COL9A3: variants seen among roughly 807,000 people sequenced by gnomAD.
COL9A3 encodes the protein collagen type IX alpha 3 chain, also known as collagen alpha-3(IX) chain.
COL9A3 carries 82 observed loss-of-function variants against 110.2 expected under a neutral mutation model. The observed-to-expected ratio is 0.74, with a 90% CI of 0.62 to 0.89. COL9A3 has a LOEUF of 0.89. COL9A3 is among the 40% of genes least tolerant of loss of function. The pLI, the probability that COL9A3 is intolerant of heterozygous loss-of-function variation, is 0.00. For missense variants in COL9A3, 1,066 were observed against 981.3 expected, an observed-to-expected ratio of 1.09 and a Z score of -1.15; for synonymous variants, 494 against 403.8, an observed-to-expected ratio of 1.22 and a Z score of -2.68.
intron 26 of COL9A3, 39 bp from the exon 27 acceptor site, chr20:62,835,882 A>G: frequency 1.2e-6 from 2 of 1,613,524 alleles, no homozygotes. Flanking sequence ...CCCACCCAAC[A>G]ATACACTTAG....
Position 62,822,100 on chromosome 20 carries a change from C to T in COL9A3, c.424-11C>T, listed in dbSNP as rs201781331. ...TGGTCCCACTCTGTCTAAGTCATACCCCCTCCCCAGGGACCTTCTGGACTC... is the reference window on the plus strand; with the variant it reads ...TGGTCCCACTCTGTCTAAGTCATACTCCCTCCCCAGGGACCTTCTGGACTC... On this transcript the variant is annotated splice_polypyrimidine_tract_variant and intron_variant, in intron 8 of 31. Coordinates refer to ENST00000649368, the MANE Select transcript of COL9A3 (RefSeq NM_001853.4). The T allele has an allele frequency of 2.8e-5, 42 of 1,521,550 alleles. No individual in the cohort carries two copies. Among genetic ancestry groups the T allele is most frequent in the Non-Finnish European group, 3.6e-5 (40 of 1,096,328 alleles). 94.3% of individuals were successfully genotyped at this position (1,521,550 alleles called of 1,614,324 possible).
At position 62,830,315 on chromosome 20, in the gene COL9A3, C is replaced by A. The variant is rs550903300; in HGVS notation, c.1162-45C>A. ...GCTCCCTGGGGCCTCTTGGGGACTC[C>A]TCGAACCCTGAGACATCCGCTCACA... On this transcript the variant is annotated intron_variant, in intron 22 of 31. Transcript: ENST00000649368. 3.2e-6 allele frequency: 5 copies of A among 1,552,218 alleles called. No homozygotes were observed. In the South Asian group the frequency reaches 5.9e-5, roughly 18 times the overall value.
intron 10 of COL9A3, among the ~76,000 whole-genome samples, chr20:62,823,239 G>T (rs981245964): frequency 1.3e-5 from 2 of 152,182 alleles, no homozygotes; most frequent in Non-Finnish European, 2.9e-5. Context: ...GGATGGCTGT[G>T]GTGGGAGGAT....
chr20:62,828,989 C>A lies in COL9A3; in HGVS notation c.1008+13C>A. On this transcript the variant is annotated intron_variant, in intron 19 of 31. Coordinates refer to ENST00000649368, the MANE Select transcript of COL9A3 (RefSeq NM_001853.4). The stretch of plus-strand genomic sequence containing the variant: ...CAACGGGCTGCCGGTGAGTGCCCGG[C>A]GGGTGGGGCCAGCCTGGGGCGCCAC... 1 of 1,591,996 alleles carries A rather than the reference C, an allele frequency of 6.3e-7. No homozygotes were observed. The highest frequency in any genetic ancestry group is 8.5e-7 in the Non-Finnish European group (1 of 1,172,340).
chr20:62,826,664 A>G, intron 14 of COL9A3, 103 bp from the exon 15 acceptor site: 1 of 1,250,512 alleles, frequency 8.0e-7, no homozygotes, highest in South Asian at 1.2e-5. Context: ...GGGGAGCCCT[A>G]GAGGAAGGGC....
At chr20:62,820,922 G>A (rs2063507834) in intron 5 of COL9A3, among the ~76,000 whole-genome samples, 4 of 152,250 alleles carry the variant, frequency 2.6e-5, no homozygotes, top group African/African-American at 7.2e-5. Context: ...GGGTCACTTC[G>A]GTGCCTCTCA....
chr20:62,832,278 C>G lies in COL9A3; in HGVS notation c.1323+89C>G. On this transcript the variant is annotated intron_variant, in intron 25 of 31. Transcript: ENST00000649368. ...CCTCCTGTCCCGGCTCTGGCCCTGG[C>G]TGTGTTTTCGGGACACTGAGCCTCC... 2.1e-6 allele frequency: 3 copies of G among 1,401,504 alleles called. 1 individual carries two copies. The South Asian group carries it at 3.5e-5, about 16-fold the overall frequency. 86.8% of individuals were successfully genotyped at this position (1,401,504 alleles called of 1,614,324 possible). A position where few individuals can be genotyped will look rare whatever the true frequency, so the allele number is the denominator to read the frequency against.
intron 4 of COL9A3, 77 bp from the exon 5 acceptor site, chr20:62,819,852 C>T (rs1025941743): frequency 7.4e-5 from 114 of 1,531,822 alleles, no homozygotes; most frequent in Non-Finnish European, 9.0e-5. Flanking sequence ...GGGAAGGGTC[C>T]GTGCTTCCAT....
In COL9A3 at chr20:62,817,640, G is replaced by A. The variant is rs1283519950; in HGVS notation, c.147+5G>A. 1 of 1,532,676 alleles carries A rather than the reference G, an allele frequency of 6.5e-7. No homozygotes were observed. Among genetic ancestry groups the A allele is most frequent in the Admixed American group, 2.1e-5 (1 of 48,706 alleles). 94.9% of individuals were successfully genotyped at this position (1,532,676 alleles called of 1,614,324 possible). ...CCCGGCCAGGACGGCATTGACGTGAGTTTGGGGGTGGGGAGGGCCCCGAGC... is the reference window on the plus strand; with the variant it reads ...CCCGGCCAGGACGGCATTGACGTGAATTTGGGGGTGGGGAGGGCCCCGAGC... On this transcript the variant is annotated splice_donor_5th_base_variant and intron_variant, in intron 2 of 31. Coordinates refer to ENST00000649368, the MANE Select transcript of COL9A3 (RefSeq NM_001853.4).
intron 26 of COL9A3, 71 bp downstream of exon 26, chr20:62,833,135 C>A: frequency 7.8e-7 from 1 of 1,288,916 alleles, no homozygotes; most frequent in Non-Finnish European, 1.1e-6. Context: ...GGGGAACAGT[C>A]CTGGGGACAG....
chr20:62,817,064 C>T lies in COL9A3; in HGVS notation c.-1C>T. 1 of 1,372,988 alleles carries T rather than the reference C, an allele frequency of 7.3e-7. No individual in the cohort carries two copies. Among genetic ancestry groups the T allele is most frequent in the South Asian group, 1.5e-5 (1 of 67,514 alleles). The allele number at this position is 1,372,988 out of a possible 1,614,324, so 85.1% of individuals were successfully genotyped here. ...CGCCGCAGCTCAGACTCCGCTCAGCCATGGCCGGGCCGCGCGCGTGCGCCC... is the reference window on the plus strand; with the variant it reads ...CGCCGCAGCTCAGACTCCGCTCAGCTATGGCCGGGCCGCGCGCGTGCGCCC... On this transcript the variant is annotated 5_prime_UTR_variant, in exon 1 of 32. Transcript: ENST00000649368.
At chr20:62,835,001 C>T (rs910274655) in intron 26 of COL9A3, among the ~76,000 whole-genome samples, 2 of 152,376 alleles carry the variant, frequency 1.3e-5, no homozygotes, top group Admixed American at 6.5e-5. Flanking sequence ...AGCTGCCCTA[C>T]GTGGCCACTG....
chr20:62,828,755 T>C lies in COL9A3; in HGVS notation c.901-9T>C, dbSNP rs74506912. ...TGCCCGACGGGCCTTACTCATCCCT[T>C]GTCCCCAGGGCATGCCGGGCAAGGA... On this transcript the variant is annotated splice_polypyrimidine_tract_variant and intron_variant, in intron 17 of 31. Transcript: ENST00000649368. 6.0e-3 allele frequency: 9,740 copies of C among 1,612,596 alleles called. 517 individuals carry two copies. The East Asian group carries it at 0.13, about 22-fold the overall frequency.
At chr20:62,839,977 T>A (rs2063662985) in intron 31 of COL9A3, among the ~76,000 whole-genome samples, 1 of 152,182 alleles carries the variant, frequency 6.6e-6, no homozygotes, top group South Asian at 2.1e-4. Flanking sequence ...CCCAGCCACG[T>A]CTCTCCGCCT....
At chr20:62,836,786 T>C (rs2147228931) in intron 29 of COL9A3, 1 of 623,166 alleles carries the variant, frequency 1.6e-6, no homozygotes, top group Non-Finnish European at 2.8e-6. Flanking sequence ...TAAAGCCTGC[T>C]GAATGCAATG....
intron 24 of COL9A3, 51 bp downstream of exon 24, chr20:62,830,639 A>G: frequency 8.5e-7 from 1 of 1,180,018 alleles, no homozygotes; most frequent in Non-Finnish European, 1.1e-6. Context: ...CTACCCATGT[A>G]CCACAGTCCC....
chr20:62,824,385 T>A, intron 10 of COL9A3, 60 bp from the exon 11 acceptor site: 1 of 1,538,118 alleles, frequency 6.5e-7, no homozygotes, highest in Non-Finnish European at 8.8e-7. Flanking sequence ...CGCTGACCCC[T>A]GCGTCGGACG....
chr20:62,830,636 T>G, intron 24 of COL9A3, 48 bp downstream of exon 24: 17 of 969,428 alleles, frequency 1.8e-5, no homozygotes, highest in East Asian at 1.2e-4. Flanking sequence ...CCTCTACCCA[T>G]GTACCACAGT....
At chr20:62,840,491 C>A in intron 31 of COL9A3, 51 bp from the exon 32 acceptor site, 1 of 1,544,242 alleles carries the variant, frequency 6.5e-7, no homozygotes. Context: ...TCAAGTCCCC[C>A]TGCTTTCAGT....
Sources: gnomAD v4.1 joint callset for allele counts (sites outside exome capture counted in the v4.1 genomes callset) on GRCh38, gnomAD v4.1.1 for gene constraint, MANE v1.5 for transcripts, NCBI Gene and HGNC (gene_info 2026-07-23, HGNC 2026-07-21) for gene names.